RARB: variants seen among roughly 807,000 people sequenced by gnomAD.
The protein encoded by RARB is retinoic acid receptor beta.
RARB carries 17 observed loss-of-function variants against 51.9 expected under a neutral mutation model. That is an observed-to-expected ratio of 0.33 (90% CI 0.22 to 0.49). The LOEUF (loss-of-function observed/expected upper bound fraction) is 0.49, where lower values mean the gene tolerates loss of function less well. RARB is among the 20% of genes least tolerant of loss of function. The pLI, the probability that RARB is intolerant of heterozygous loss-of-function variation, is 0.99. For synonymous variants in RARB, 215 were observed against 195.4 expected (o/e 1.10, Z -0.84); for missense variants, 369 against 550.8 (o/e 0.67, Z 3.30).
intron 2 of RARB, among the ~76,000 whole-genome samples, chr3:25,001,800 A>T (rs956661953): frequency 6.6e-6 from 1 of 152,150 alleles, no homozygotes; most frequent in Non-Finnish European, 1.5e-5. Flanking sequence ...TGATCATGGA[A>T]ATGTGTTCAC....
intron 2 of RARB, among the ~76,000 whole-genome samples, chr3:24,911,378 A>G (rs948780364): frequency 1.3e-5 from 2 of 152,230 alleles, no homozygotes; most frequent in African/African-American, 4.8e-5. Flanking sequence ...AATGGTACAA[A>G]CTTTTAATAA....
intron 5 of RARB, among the ~76,000 whole-genome samples, chr3:25,261,973 C>A (rs1214137942): frequency 6.6e-6 from 1 of 152,236 alleles, no homozygotes. Context: ...ATCCTATATC[C>A]TCTAACATGC....
intron 3 of RARB, among the ~76,000 whole-genome samples, chr3:25,552,874 C>CA (rs1699904425): frequency 6.6e-6 from 1 of 152,120 alleles, no homozygotes; most frequent in East Asian, 1.9e-4. Context: ...GGGGCTGTTA[C>CA]ATCATGGTCT....
intron 3 of RARB, among the ~76,000 whole-genome samples, chr3:25,071,642 G>A (rs1397479328): frequency 1.3e-5 from 2 of 152,200 alleles, no homozygotes; most frequent in Non-Finnish European, 2.9e-5. Context: ...CTGAGAGGAA[G>A]GAGAATAGTA....
At chr3:24,978,128 T>C (rs1184468585) in intron 2 of RARB, among the ~76,000 whole-genome samples, 2 of 152,194 alleles carry the variant, frequency 1.3e-5, no homozygotes, top group South Asian at 2.1e-4. Flanking sequence ...ATAAACTTTT[T>C]GATGTGCTGC....
Position 25,231,122 on chromosome 3 carries a change from T to C in RARB, c.178+56547T>C, listed in dbSNP as rs559283609. On this transcript the variant is annotated intron_variant, in intron 5 of 11. Coordinates refer to the RARB transcript ENST00000383772. ...CCCTCCTTAAACAAGCAAATACTTC[T>C]ATACCAAGAAGCCAAGAGCAAATTT... 4.6e-5 allele frequency among the ~76,000 whole-genome samples: 7 copies of C among 152,290 alleles called. No individual in the cohort carries two copies. The South Asian group carries it at 1.5e-3, about 32-fold the overall frequency.
At chr3:25,259,869 G>T in intron 5 of RARB, 1 of 975,766 alleles carries the variant, frequency 1.0e-6, no homozygotes, top group African/African-American at 1.8e-5. Context: ...TAAGTCAAGA[G>T]ATTTGAGCTT....
intron 2 of RARB, among the ~76,000 whole-genome samples, chr3:25,025,798 A>G (rs1697734729): frequency 6.6e-6 from 1 of 152,204 alleles, no homozygotes; most frequent in African/African-American, 2.4e-5. Flanking sequence ...TGAAACAAAG[A>G]ATATTTGTCT....
intron 2 of RARB, among the ~76,000 whole-genome samples, chr3:25,478,171 G>A (rs1575442441): frequency 6.6e-6 from 1 of 152,152 alleles, no homozygotes; most frequent in Non-Finnish European, 1.5e-5. Context: ...GTCCCATAGT[G>A]TTCCTCCTGT....
At chr3:25,577,022 G>A (rs945029350) in intron 4 of RARB, among the ~76,000 whole-genome samples, 8 of 152,180 alleles carry the variant, frequency 5.3e-5, no homozygotes, top group African/African-American at 1.9e-4. Flanking sequence ...CCTGATGGAA[G>A]CATCCAGAGA....
In RARB at chr3:25,461,273, C is replaced by T; in HGVS notation, c.238C>T (p.Pro80Ser). 1 of 1,614,082 alleles carries T rather than the reference C, an allele frequency of 6.2e-7. No individual in the cohort carries two copies. Among genetic ancestry groups the T allele is most frequent in the Non-Finnish European group, 8.5e-7 (1 of 1,179,998 alleles). ...ACTTCCTCCCCCTCGAGTGTACAAA[C>T]CCTGCTTCGTCTGCCAGGACAAATC... Reference protein sequence around the residue: ...SPLPPPRVYKPCFVCQDKSSG... With the variant: ...SPLPPPRVYKSCFVCQDKSSG... The change falls in exon 2 of 8, where the codon CCC becomes TCC. Residue 80 changes from proline (P) to serine (S), a missense_variant. Around this residue, in one of 9 missense-constraint regions of RARB, gnomAD observed 10 missense variants for 34.0 expected, o/e 0.29. Transcript: ENST00000330688.
chr3:25,323,739 G>T (rs1353305339), intron 5 of RARB, among the ~76,000 whole-genome samples: 4 of 152,148 alleles, frequency 2.6e-5, no homozygotes, highest in East Asian at 3.9e-4. Flanking sequence ...CGAAGATGAA[G>T]AGCTGGAGAA....
At chr3:25,587,729 C>G (rs528921029) in intron 5 of RARB, among the ~76,000 whole-genome samples, 152 of 152,304 alleles carry the variant, frequency 1.0e-3, no homozygotes, top group African/African-American at 3.4e-3. Flanking sequence ...ATTAGTATCA[C>G]CACTTAAACA....
At chr3:25,379,953 C>A (rs1369632907) in intron 5 of RARB, among the ~76,000 whole-genome samples, 1 of 152,024 alleles carries the variant, frequency 6.6e-6, no homozygotes, top group Non-Finnish European at 1.5e-5. Flanking sequence ...GGAGGTGTAT[C>A]CCCAGAGGAG....
At chr3:24,919,927 C>T (rs556057726) in intron 2 of RARB, among the ~76,000 whole-genome samples, 1 of 152,274 alleles carries the variant, frequency 6.6e-6, no homozygotes, top group East Asian at 1.9e-4. Flanking sequence ...GGTGTGTGGT[C>T]TCTGCCTACA....
chr3:25,034,495 T>C (rs1342935264), intron 2 of RARB, among the ~76,000 whole-genome samples: 1 of 152,240 alleles, frequency 6.6e-6, no homozygotes, highest in Non-Finnish European at 1.5e-5. Flanking sequence ...CAGTGATTTC[T>C]CTAGGCAGAA....
chr3:25,184,137 T>G (rs192254752), intron 5 of RARB, among the ~76,000 whole-genome samples: 29 of 79,990 alleles, frequency 3.6e-4, no homozygotes, highest in African/African-American at 1.3e-3. Context: ...GAGTTTGTTG[T>G]TTTTTTTTTC....
At chr3:25,464,786 G>A (rs955049113) in intron 2 of RARB, among the ~76,000 whole-genome samples, 2 of 152,034 alleles carry the variant, frequency 1.3e-5, no homozygotes. Context: ...GTAAAACTCA[G>A]CTTTTCTGTA....
intron 2 of RARB, among the ~76,000 whole-genome samples, chr3:24,995,146 A>G (rs186406354): frequency 4.0e-5 from 6 of 151,808 alleles, no homozygotes; most frequent in Admixed American, 3.3e-4. Context: ...CCATTTGTTT[A>G]TATCCTCTTC....
Sources: allele counts gnomAD v4.1 joint callset (sites outside exome capture counted in the v4.1 genomes callset), GRCh38; gene constraint gnomAD v4.1.1; regional missense constraint gnomAD v4.1.1; transcripts MANE v1.5; gene names NCBI Gene and HGNC (gene_info 2026-07-23, HGNC 2026-07-21).